AKR1C4: variants seen among roughly 807,000 people sequenced by gnomAD.
AKR1C4 encodes 3-alpha-HSD1.
A neutral mutation model predicts 41.0 loss-of-function variants in AKR1C4; 44 were observed. The ratio of observed to expected loss-of-function variants is 1.07; its 90% CI spans 0.84 to 1.38. The LOEUF (loss-of-function observed/expected upper bound fraction) is 1.38, where lower values mean the gene tolerates loss of function less well. Among genes scored for constraint, AKR1C4 ranks in the 40% most tolerant of loss-of-function variants. The probability of loss-of-function intolerance (pLI) is 0.00; values close to 1 mark genes in which losing one functional copy is unlikely to be tolerated. For synonymous variants in AKR1C4, 165 were observed against 137.7 expected, an observed-to-expected ratio of 1.20 and a Z score of -1.39; for missense variants, 438 against 387.9, an observed-to-expected ratio of 1.13 and a Z score of -1.09.
chr10:5,218,484 T>G (rs1554798800), intron 8 of AKR1C4, among the ~76,000 whole-genome samples: 2 of 151,856 alleles, frequency 1.3e-5, no homozygotes, highest in Non-Finnish European at 2.9e-5. Flanking sequence ...ATTGACCCTG[T>G]GTAGTTTGTG....
intron 2 of AKR1C4, among the ~76,000 whole-genome samples, chr10:5,201,082 G>T (rs973190392): frequency 2.6e-5 from 4 of 151,992 alleles, no homozygotes; most frequent in Non-Finnish European, 5.9e-5. Context: ...GTGGGTATGT[G>T]TTTTTTATAT....
At chr10:5,213,787 G>T (rs188788494) in intron 7 of AKR1C4, among the ~76,000 whole-genome samples, 1 of 152,262 alleles carries the variant, frequency 6.6e-6, no homozygotes, top group East Asian at 1.9e-4. Flanking sequence ...GCAGGGCAAT[G>T]AGGCAGCTCT....
chr10:5,202,718 T>C (rs1365203569), intron 2 of AKR1C4, among the ~76,000 whole-genome samples: 2 of 152,208 alleles, frequency 1.3e-5, no homozygotes, highest in African/African-American at 4.8e-5. Flanking sequence ...TAATTGCTTT[T>C]TTGCATCTAT....
intron 8 of AKR1C4, 137 bp downstream of exon 8, chr10:5,216,930 T>C: frequency 1.6e-6 from 1 of 609,950 alleles, no homozygotes; most frequent in Admixed American, 3.1e-5. Flanking sequence ...TCTGGAACTC[T>C]CCTTCTGGAT....
chr10:5,212,090 T>C (rs1588342215), intron 5 of AKR1C4, among the ~76,000 whole-genome samples: 1 of 152,202 alleles, frequency 6.6e-6, no homozygotes, highest in African/African-American at 2.4e-5. Context: ...CCAAAACATA[T>C]GAATCACCAT....
rs1443407708 is a variant in AKR1C4, at chr10:5,205,911, A to G, written c.447+77A>G. Reference sequence around the variant, plus strand: ...CTGTTCCCCAGCTTTCATATGCAACATTGGAATATGCACCATTGGAACTAG... The same window carrying G: ...CTGTTCCCCAGCTTTCATATGCAACGTTGGAATATGCACCATTGGAACTAG... On this transcript the variant is annotated intron_variant, in intron 4 of 8. Coordinates refer to ENST00000263126, the MANE Select transcript of AKR1C4 (RefSeq NM_001818.5). 13 of 1,374,092 alleles carry G rather than the reference A, an allele frequency of 9.5e-6. No individual in the cohort carries two copies. In the Admixed American group the frequency reaches 2.0e-4, roughly 22 times the overall value. 85.1% of individuals were successfully genotyped at this position (1,374,092 alleles called of 1,614,324 possible).
At position 5,218,586 on chromosome 10, in the gene AKR1C4, A is replaced by C. The variant is rs190748293; in HGVS notation, c.930-132A>C. On this transcript the variant is annotated intron_variant, in intron 8 of 8. Transcript: ENST00000263126. ...TTATAAACTCATGTTCATGAAAGAC[A>C]TTCTACAAATAGTCCGAAAATAAAC... 236 of 608,132 alleles carry C rather than the reference A, an allele frequency of 3.9e-4. 1 individual carries two copies. The highest frequency in any genetic ancestry group is 1.1e-3 in the Middle Eastern group (4 of 3,748). 37.7% of individuals were successfully genotyped at this position (608,132 alleles called of 1,614,324 possible).
At chr10:5,206,235 C>T (rs1554797462) in intron 4 of AKR1C4, 40 bp from the exon 5 acceptor site, 8 of 1,613,372 alleles carry the variant, frequency 5.0e-6, no homozygotes, top group Non-Finnish European at 6.8e-6. Context: ...AATCTGCAGC[C>T]AACTGCACAA....
At chr10:5,209,065 T>C (rs782169271) in intron 5 of AKR1C4, among the ~76,000 whole-genome samples, 7 of 152,230 alleles carry the variant, frequency 4.6e-5, no homozygotes, top group African/African-American at 7.2e-5. Flanking sequence ...AAACTGCCTC[T>C]ACATTGCTGT....
At position 5,210,447 on chromosome 10, in the gene AKR1C4, C is replaced by G. The variant is rs532185346; in HGVS notation, c.571-2169C>G. ...TTTCTCAGAGCTCCACTAGGTGGTG[C>G]CCCAGCAGGGACTGTGTGGGGGCTC... On this transcript the variant is annotated intron_variant, in intron 5 of 8. Coordinates refer to ENST00000263126, the MANE Select transcript of AKR1C4 (RefSeq NM_001818.5). 2.0e-5 allele frequency among the ~76,000 whole-genome samples: 3 copies of G among 152,272 alleles called. No individual in the cohort carries two copies. The East Asian group carries it at 5.8e-4, about 29-fold the overall frequency.
rs782648087 is a variant in AKR1C4, at chr10:5,204,430, A to AC, written c.307dup (p.Leu103ProfsTer10). ...TGGTCCAACCAGCCTTGGAAAGCTC[A>AC]CTGAAAAAACTTCAACTGGACTATG... is the stretch of plus-strand genomic sequence containing the variant. On this transcript the variant is annotated frameshift_variant, in exon 3 of 9. Coordinates refer to ENST00000263126, the MANE Select transcript of AKR1C4 (RefSeq NM_001818.5). LOFTEE classifies it high-confidence loss of function. The AC allele has an allele frequency of 7.9e-5, 127 of 1,613,910 alleles. No individual in the cohort carries two copies. Among genetic ancestry groups the AC allele is most frequent in the Non-Finnish European group, 1.1e-4 (124 of 1,179,930 alleles).
Position 5,213,036 on chromosome 10 carries a change from T to A in AKR1C4, c.723T>A (p.Leu241=). The change falls in exon 7 of 9, where the codon CTT becomes CTA. Residue 241 remains leucine (L), a synonymous_variant. Coordinates refer to ENST00000263126, the MANE Select transcript of AKR1C4 (RefSeq NM_001818.5). ...CAGTTCTTTTGGAGGACCCAGTTCT[T>A]TGTGCCTTAGCAAAGAAACACAAAC... ...NSPVLLEDPV[L]CALAKKHKQT... 1.2e-6 allele frequency: 2 copies of A among 1,614,114 alleles called. No homozygotes were observed. Among genetic ancestry groups the A allele is most frequent in the Non-Finnish European group, 1.7e-6 (2 of 1,180,000 alleles).
chr10:5,205,629 C>A, intron 3 of AKR1C4, 128 bp from the exon 4 acceptor site: 1 of 651,156 alleles, frequency 1.5e-6, no homozygotes, highest in Non-Finnish European at 2.5e-6. Context: ...AAACACTTGG[C>A]CCACATCACT....
Position 5,218,729 on chromosome 10 carries a change from A to G in AKR1C4, c.941A>G (p.His314Arg), listed in dbSNP as rs782606372. Residue 314 changes from histidine (H) to arginine (R), a missense_variant, in exon 9 of 9, where the codon CAT becomes CGT. Coordinates refer to ENST00000263126, the MANE Select transcript of AKR1C4 (RefSeq NM_001818.5). ...RYVVMDFLMDHPDYPFSDEY is the reference protein window; with the variant it reads ...RYVVMDFLMDRPDYPFSDEY ...CTTTCTCTTTTCAGTCTTATGGACC[A>G]TCCTGATTATCCATTTTCAGATGAA... The G allele has an allele frequency of 6.2e-7, 1 of 1,602,616 alleles. No individual in the cohort carries two copies. The highest frequency in any genetic ancestry group is 8.6e-7 in the Non-Finnish European group (1 of 1,169,508).
intron 2 of AKR1C4, chr10:5,202,452 G>A: frequency 2.2e-6 from 1 of 455,806 alleles, no homozygotes; most frequent in Non-Finnish European, 4.4e-6. Context: ...CTGGCAAACA[G>A]CAATACTTTG....
intron 3 of AKR1C4, among the ~76,000 whole-genome samples, chr10:5,205,373 G>A (rs982612859): frequency 6.6e-6 from 1 of 152,148 alleles, no homozygotes; most frequent in Non-Finnish European, 1.5e-5. Flanking sequence ...CAAGTCTTCA[G>A]GGGGATAAGG....
At chr10:5,212,014 G>A (rs546935312) in intron 5 of AKR1C4, among the ~76,000 whole-genome samples, 1 of 152,188 alleles carries the variant, frequency 6.6e-6, no homozygotes, top group African/African-American at 2.4e-5. Flanking sequence ...TATCTCCCCT[G>A]GGCCCCTCCT....
intron 1 of AKR1C4, among the ~76,000 whole-genome samples, chr10:5,198,635 A>G (rs1305782236): frequency 6.6e-6 from 1 of 152,182 alleles, no homozygotes; most frequent in African/African-American, 2.4e-5. Flanking sequence ...TGAGAGACGA[A>G]TCATAGGAAC....
intron 7 of AKR1C4, among the ~76,000 whole-genome samples, chr10:5,216,030 C>G (rs554764883): frequency 1.3e-5 from 2 of 152,256 alleles, no homozygotes; most frequent in African/African-American, 4.8e-5. Flanking sequence ...GTTGTTTTGA[C>G]TTACCATTTT....
Sources: gnomAD v4.1 joint callset for allele counts (sites outside exome capture counted in the v4.1 genomes callset) on GRCh38, gnomAD v4.1.1 for gene constraint, MANE v1.5 for transcripts, NCBI Gene and HGNC (gene_info 2026-07-23, HGNC 2026-07-21) for gene names.